The following SLC6A11 variants were observed in gnomAD, a reference collection of about 807,000 sequenced individuals.
The protein encoded by SLC6A11 is sodium- and chloride-dependent GABA transporter 3.
A neutral mutation model predicts 74.8 loss-of-function variants in SLC6A11; 25 were observed. That is an observed-to-expected ratio of 0.33 (90% CI 0.24 to 0.47). SLC6A11 has a LOEUF of 0.47. Ranked by LOEUF, SLC6A11 falls within the 20% of genes least tolerant of loss-of-function variation. SLC6A11 has a pLI of 1.00. For missense variants in SLC6A11, 574 were observed against 837.0 expected (o/e 0.69, Z 3.88); for synonymous variants, 330 against 330.2 (o/e 1.00, Z 0.01).
chr3:10,902,829 C>T (rs992070724), intron 6 of SLC6A11, among the ~76,000 whole-genome samples: 12 of 152,180 alleles, frequency 7.9e-5, no homozygotes, highest in African/African-American at 2.2e-4. Context: ...TGTTCGTAAG[C>T]CCAAAGTGAC....
rs147839581 is a variant in SLC6A11 at position 10,926,038 on chromosome 3, G to A, written c.1155G>A (p.Ala385=). The part of the protein sequence containing the change: ...PGLAFIAYPK[A]VTMMPLSPLW... Reference sequence around the variant, plus strand: ...TGGCCTTTATTGCGTACCCCAAGGCGGTCACCATGATGCCTCTCTCCCCGC... The same window carrying A: ...TGGCCTTTATTGCGTACCCCAAGGCAGTCACCATGATGCCTCTCTCCCCGC... The change falls in exon 9 of 14, where the codon GCG becomes GCA. Residue 385 remains alanine, a synonymous_variant. Coordinates refer to ENST00000254488, the MANE Select transcript of SLC6A11 (RefSeq NM_014229.3). The surrounding 1 kb of genome is among the most constrained non-coding windows in gnomAD (Gnocchi z 5.7). 3.9e-4 allele frequency: 622 copies of A among 1,613,290 alleles called. No homozygotes were observed. Among genetic ancestry groups the A allele is most frequent in the Non-Finnish European group, 4.5e-4 (526 of 1,179,438 alleles).
intron 6 of SLC6A11, among the ~76,000 whole-genome samples, chr3:10,886,795 G>A (rs1337050926): frequency 4.2e-5 from 6 of 142,912 alleles, no homozygotes; most frequent in Non-Finnish European, 6.0e-5. Flanking sequence ...CAACAAGAGC[G>A]AGACTCCATC....
intron 6 of SLC6A11, among the ~76,000 whole-genome samples, chr3:10,901,042 T>A (rs575613782): frequency 6.6e-6 from 1 of 152,222 alleles, no homozygotes; most frequent in South Asian, 2.1e-4. Context: ...TCCTGCACAA[T>A]GAATTATCCA....
At chr3:10,820,655 G>A (rs73814441) in intron 3 of SLC6A11, among the ~76,000 whole-genome samples, 1,591 of 152,226 alleles carry the variant, frequency 0.01, 27 homozygotes, top group African/African-American at 0.037. Flanking sequence ...CCTCCTATTA[G>A]CATTGAGTTT....
At chr3:10,932,318 G>A (rs749259737) in intron 10 of SLC6A11, among the ~76,000 whole-genome samples, 11 of 152,070 alleles carry the variant, frequency 7.2e-5, no homozygotes, top group Admixed American at 1.3e-4. Context: ...TACCTCCTGC[G>A]TGCCAAGCCC....
intron 6 of SLC6A11, among the ~76,000 whole-genome samples, chr3:10,882,424 C>T (rs1357458182): frequency 1.3e-5 from 2 of 152,126 alleles, no homozygotes; most frequent in Non-Finnish European, 2.9e-5. Context: ...GTCTTCCCAG[C>T]TTGCACTCAT....
chr3:10,874,862 G>T (rs1021688528), intron 5 of SLC6A11, 99 bp from the exon 6 acceptor site: 11 of 1,216,480 alleles, frequency 9.0e-6, no homozygotes, highest in East Asian at 2.5e-5. Flanking sequence ...TGGGAGAGAG[G>T]GTCCTGGTGC....
At chr3:10,893,137 C>G (rs746619420) in intron 6 of SLC6A11, among the ~76,000 whole-genome samples, 3 of 152,150 alleles carry the variant, frequency 2.0e-5, no homozygotes, top group African/African-American at 4.8e-5. Context: ...TCTTCTCCAG[C>G]CCTGTCACCT....
intron 13 of SLC6A11, 82 bp from the exon 14 acceptor site, chr3:10,938,168 C>T (rs1056812001): frequency 4.1e-5 from 55 of 1,325,458 alleles, no homozygotes; most frequent in East Asian, 4.7e-5. Flanking sequence ...AGATGTCCGC[C>T]GTGTGCTTGG....
intron 5 of SLC6A11, among the ~76,000 whole-genome samples, chr3:10,864,257 C>G (rs1469876612): frequency 6.6e-6 from 1 of 151,674 alleles, no homozygotes; most frequent in South Asian, 2.1e-4. Context: ...TGACACTATT[C>G]CCTAAGCTCT....
chr3:10,833,778 T>A (rs1369177166), intron 4 of SLC6A11, among the ~76,000 whole-genome samples: 1 of 152,234 alleles, frequency 6.6e-6, no homozygotes, highest in Admixed American at 6.5e-5. Context: ...TAATAAATAC[T>A]GAATAGCTGT....
chr3:10,893,721 G>T (rs1349830943), intron 6 of SLC6A11, among the ~76,000 whole-genome samples: 3 of 152,078 alleles, frequency 2.0e-5, no homozygotes, highest in African/African-American at 7.2e-5. Context: ...TGTCTTGTGG[G>T]TTGGTTCTAC....
chr3:10,866,560 A>G (rs1694764917), intron 5 of SLC6A11, among the ~76,000 whole-genome samples: 1 of 152,176 alleles, frequency 6.6e-6, no homozygotes, highest in South Asian at 2.1e-4. Flanking sequence ...GTCAGTGTTT[A>G]GTTAGATTAT....
chr3:10,926,228 GCATCAGGGCCCTGC>G lies in SLC6A11; in HGVS notation c.1233+114_1233+127del. ...GCCCAGCCACTCCCACCTGGCCCTG[GCATCAGGGCCCTGC>G]CCACCGTCCCCCATTCCACCCTCCA... is the stretch of plus-strand genomic sequence containing the variant. On this transcript the variant is annotated intron_variant, in intron 9 of 13. Transcript: ENST00000254488. The surrounding 1 kb of genome is among the most constrained non-coding windows in gnomAD (Gnocchi z 5.7). 1.5e-6 allele frequency: 1 copy of G among 677,076 alleles called. No homozygotes were observed. The highest frequency in any genetic ancestry group is 2.6e-6 in the Non-Finnish European group (1 of 385,030). The allele number at this position is 677,076 out of a possible 1,614,324, so 41.9% of individuals were successfully genotyped here.
intron 9 of SLC6A11, 58 bp from the exon 10 acceptor site, chr3:10,929,144 T>C: frequency 6.3e-7 from 1 of 1,593,952 alleles, no homozygotes; most frequent in East Asian, 2.2e-5. Context: ...GCCCAGAGCC[T>C]GGGCCACCAG....
In SLC6A11 at chr3:10,938,382, GAGA is replaced by G. The variant is rs551884969; in HGVS notation, c.1882_1884del (p.Lys628del). 2.3e-4 allele frequency: 369 copies of G among 1,606,910 alleles called. 4 individuals are homozygous for G. In the East Asian group the frequency reaches 8.0e-3, roughly 35 times the overall value. ...TGACGGGACCATCGCAGCCATCACA[GAGA>G]AGGAGACGCACTTCTGAGCGGCCAC... On this transcript the variant is annotated inframe_deletion, in exon 14 of 14. Coordinates refer to ENST00000254488, the MANE Select transcript of SLC6A11 (RefSeq NM_014229.3).
rs1260316232 is a variant in SLC6A11, at chr3:10,873,998, CTAT to C, written c.757-962_757-960del. Among the ~76,000 whole-genome samples, 43 of 152,174 alleles carry C rather than the reference CTAT, an allele frequency of 2.8e-4. No individual in the cohort carries two copies. The Middle Eastern group carries it at 0.01, about 36-fold the overall frequency. Reference sequence around the variant, plus strand: ...CTACGCTACGCTACGCTACGCTATGCTATGCTATGCTATGCTATACCATCCTAT... The same window carrying C: ...CTACGCTACGCTACGCTACGCTATGCGCTATGCTATGCTATACCATCCTAT... On this transcript the variant is annotated intron_variant, in intron 5 of 13. Transcript: ENST00000254488.
chr3:10,848,300 T>C (rs1289491445), intron 5 of SLC6A11, among the ~76,000 whole-genome samples: 1 of 152,188 alleles, frequency 6.6e-6, no homozygotes, highest in Non-Finnish European at 1.5e-5. Context: ...AATAAGTTGA[T>C]CCCAAATGGG....
chr3:10,882,733 T>C (rs1694997000), intron 6 of SLC6A11, among the ~76,000 whole-genome samples: 1 of 152,136 alleles, frequency 6.6e-6, no homozygotes, highest in Non-Finnish European at 1.5e-5. Context: ...ATTCTTGGTG[T>C]AGTGGGATCT....
Sources: allele counts gnomAD v4.1 joint callset (sites outside exome capture counted in the v4.1 genomes callset), GRCh38; gene constraint gnomAD v4.1.1; non-coding constraint Gnocchi (gnomAD v3.1); transcripts MANE v1.5; gene names NCBI Gene and HGNC (gene_info 2026-07-23, HGNC 2026-07-21).